SLC2A13: variants seen among roughly 807,000 people sequenced by gnomAD.
SLC2A13 encodes solute carrier family 2 member 13.
In SLC2A13, 32 loss-of-function variants were observed where a neutral mutation model predicts 64.4. That is an observed-to-expected ratio of 0.50 (90% CI 0.37 to 0.67). The LOEUF (loss-of-function observed/expected upper bound fraction) is 0.67, where lower values mean the gene tolerates loss of function less well. SLC2A13 is among the 30% of genes least tolerant of loss of function. The pLI, the probability that SLC2A13 is intolerant of heterozygous loss-of-function variation, is 0.00. For missense variants in SLC2A13, 743 were observed against 829.2 expected (o/e 0.90, Z 1.28); for synonymous variants, 338 against 327.1 (o/e 1.03, Z -0.36).
At chr12:39,935,691 TG>T (rs1170758605) in intron 4 of SLC2A13, among the ~76,000 whole-genome samples, 1 of 152,146 alleles carries the variant, frequency 6.6e-6, no homozygotes, top group Non-Finnish European at 1.5e-5. Flanking sequence ...ACATTTACAT[TG>T]GCCCCTTGGT....
intron 4 of SLC2A13, among the ~76,000 whole-genome samples, chr12:39,910,622 G>A (rs757833215): frequency 2.0e-5 from 3 of 152,172 alleles, no homozygotes; most frequent in South Asian, 4.1e-4. Flanking sequence ...AGAAAAAGTG[G>A]ACAGCTGCAG....
chr12:39,984,200 G>C (rs1299634471), intron 3 of SLC2A13, among the ~76,000 whole-genome samples: 1 of 151,540 alleles, frequency 6.6e-6, no homozygotes, highest in African/African-American at 2.4e-5. Context: ...CAGGGGGGAG[G>C]GATAGCATTG....
At chr12:39,873,410 C>T (rs1018109372) in intron 4 of SLC2A13, among the ~76,000 whole-genome samples, 5 of 152,166 alleles carry the variant, frequency 3.3e-5, no homozygotes, top group Admixed American at 2.0e-4. Context: ...CTACCATATA[C>T]ATTTTCATAA....
chr12:39,803,549 CA>C (rs1490004869), intron 7 of SLC2A13, among the ~76,000 whole-genome samples: 2 of 152,040 alleles, frequency 1.3e-5, no homozygotes, highest in Admixed American at 1.3e-4. Flanking sequence ...TGAAAAAATA[CA>C]TATATACATA....
chr12:39,807,166 G>A (rs933019655), intron 7 of SLC2A13, among the ~76,000 whole-genome samples: 5 of 152,136 alleles, frequency 3.3e-5, no homozygotes, highest in African/African-American at 4.8e-5. Context: ...TAACTTTTGC[G>A]CCAACCTAGT....
At chr12:40,019,865 G>A (rs952687621) in intron 3 of SLC2A13, among the ~76,000 whole-genome samples, 1 of 152,158 alleles carries the variant, frequency 6.6e-6, no homozygotes, top group Non-Finnish European at 1.5e-5. Flanking sequence ...TATAGTTCCG[G>A]CTTCATAAAC....
chr12:39,859,142 G>A (rs2135912623), intron 6 of SLC2A13, among the ~76,000 whole-genome samples: 1 of 152,206 alleles, frequency 6.6e-6, no homozygotes, highest in Non-Finnish European at 1.5e-5. Context: ...TGAAGCCACA[G>A]TTTGTCAATT....
intron 3 of SLC2A13, among the ~76,000 whole-genome samples, chr12:39,958,108 T>G (rs1240624883): frequency 1.3e-5 from 2 of 152,222 alleles, no homozygotes; most frequent in Middle Eastern, 3.2e-3. Context: ...TAAATCAAGA[T>G]TCATGGCTTT....
At chr12:39,774,584 C>CTT (rs11322999) in intron 7 of SLC2A13, among the ~76,000 whole-genome samples, 5 of 130,250 alleles carry the variant, frequency 3.8e-5, no homozygotes, top group Non-Finnish European at 8.3e-5. Context: ...ATTGTCCAGC[C>CTT]TTTTTTTTTT....
At chr12:39,997,772 G>A (rs757996714) in intron 3 of SLC2A13, among the ~76,000 whole-genome samples, 14 of 152,000 alleles carry the variant, frequency 9.2e-5, no homozygotes, top group African/African-American at 1.9e-4. Flanking sequence ...CGGAGTTTGC[G>A]GTGAGCCGAG....
chr12:39,896,034 A>G (rs200551086), intron 4 of SLC2A13, among the ~76,000 whole-genome samples: 1 of 36,096 alleles, frequency 2.8e-5, no homozygotes, highest in Non-Finnish European at 6.0e-5. Context: ...ATACATGCAT[A>G]TGTTTATATA....
intron 3 of SLC2A13, among the ~76,000 whole-genome samples, chr12:39,975,361 G>C (rs28370728): frequency 6.6e-6 from 1 of 152,136 alleles, no homozygotes; most frequent in Admixed American, 6.5e-5. Flanking sequence ...TTTTAACTAC[G>C]TACATTCTTT....
chr12:40,022,353 A>G (rs1947734151), intron 3 of SLC2A13, among the ~76,000 whole-genome samples: 1 of 152,224 alleles, frequency 6.6e-6, no homozygotes, highest in Non-Finnish European at 1.5e-5. Flanking sequence ...ACTAGCAACT[A>G]GTGGGCCTGC....
At chr12:39,786,287 C>T (rs1941183231) in intron 7 of SLC2A13, among the ~76,000 whole-genome samples, 1 of 152,044 alleles carries the variant, frequency 6.6e-6, no homozygotes, top group South Asian at 2.1e-4. Flanking sequence ...CTCATGAGAT[C>T]TGATGGTTTT....
At chr12:39,899,459 G>T (rs899512454) in intron 4 of SLC2A13, among the ~76,000 whole-genome samples, 1 of 152,050 alleles carries the variant, frequency 6.6e-6, no homozygotes, top group African/African-American at 2.4e-5. Context: ...TTTTTAAAGG[G>T]TTTTTTGTGT....
chr12:39,969,999 G>A (rs935356430), intron 3 of SLC2A13, among the ~76,000 whole-genome samples: 1 of 152,202 alleles, frequency 6.6e-6, no homozygotes, highest in Non-Finnish European at 1.5e-5. Flanking sequence ...AAGGGATCCA[G>A]TTTCAGCTTT....
intron 3 of SLC2A13, among the ~76,000 whole-genome samples, chr12:39,996,413 A>C (rs1947231246): frequency 6.6e-6 from 1 of 152,178 alleles, no homozygotes; most frequent in African/African-American, 2.4e-5. Context: ...AGAAAATCCC[A>C]TTTTCTGAGG....
At chr12:40,058,080 G>A (rs1395146889) in intron 1 of SLC2A13, among the ~76,000 whole-genome samples, 1 of 151,040 alleles carries the variant, frequency 6.6e-6, no homozygotes, top group Non-Finnish European at 1.5e-5. Flanking sequence ...TAGATAGATA[G>A]ATAGATAGAT....
At chr12:39,843,751 A>T (rs1249908143) in intron 6 of SLC2A13, among the ~76,000 whole-genome samples, 1 of 152,078 alleles carries the variant, frequency 6.6e-6, no homozygotes, top group East Asian at 1.9e-4. Flanking sequence ...TACTTTGGAT[A>T]TCTGAGATAT....
Sources: allele counts gnomAD v4.1 joint callset (sites outside exome capture counted in the v4.1 genomes callset), GRCh38; gene constraint gnomAD v4.1.1; transcripts MANE v1.5; gene names NCBI Gene and HGNC (gene_info 2026-07-23, HGNC 2026-07-21).